Variants in UBE3D observed in about 807,000 individuals in gnomAD.
The protein encoded by UBE3D is ubiquitin protein ligase E3D.
UBE3D carries 48 observed loss-of-function variants against 49.6 expected under a neutral mutation model. That is an observed-to-expected ratio of 0.97 (90% CI 0.77 to 1.23). UBE3D has a LOEUF of 1.23. UBE3D is among the 50% of genes most tolerant of loss of function. UBE3D has a pLI of 0.00. For missense variants in UBE3D, 452 were observed against 468.4 expected (o/e 0.96, Z 0.32); for synonymous variants, 189 against 174.2 (o/e 1.08, Z -0.67).
rs142649394 is a variant in UBE3D, at chr6:82,940,083, T to C, written c.1149+17229A>G. On this transcript the variant is annotated intron_variant, in intron 9 of 9. Coordinates refer to ENST00000369747, the MANE Select transcript of UBE3D (RefSeq NM_198920.3). ...GGTAGGGAATCGGCCTTTTGAAAGA[T>C]GTGATGTGGCAGCAACGTGGATCTG... 1.8e-3 allele frequency among the ~76,000 whole-genome samples: 267 copies of C among 152,248 alleles called. 2 individuals are homozygous for C. Among genetic ancestry groups the C allele is most frequent in the African/African-American group, 5.4e-3 (224 of 41,552 alleles).
At chr6:82,986,561 G>C (rs1582555587) in intron 8 of UBE3D, among the ~76,000 whole-genome samples, 1 of 139,326 alleles carries the variant, frequency 7.2e-6, no homozygotes, top group Non-Finnish European at 1.5e-5. Context: ...TACACCTCTA[G>C]TTAAGTTTCA....
chr6:82,999,828 C>T (rs1331825924), intron 8 of UBE3D, among the ~76,000 whole-genome samples: 1 of 152,150 alleles, frequency 6.6e-6, no homozygotes, highest in Non-Finnish European at 1.5e-5. Flanking sequence ...TGTCATATCA[C>T]CTCTCATTCA....
chr6:83,007,587 C>T (rs117815283), intron 8 of UBE3D, among the ~76,000 whole-genome samples: 4 of 152,226 alleles, frequency 2.6e-5, no homozygotes, highest in Non-Finnish European at 2.9e-5. Context: ...ATGACATAAA[C>T]ATTTATATTT....
At chr6:82,964,721 T>C (rs1004220547) in intron 8 of UBE3D, among the ~76,000 whole-genome samples, 1 of 152,282 alleles carries the variant, frequency 6.6e-6, no homozygotes, top group African/African-American at 2.4e-5. Flanking sequence ...ATTTAATACA[T>C]AACCAAAATT....
chr6:82,951,262 C>T (rs1775776780), intron 9 of UBE3D, among the ~76,000 whole-genome samples: 1 of 151,928 alleles, frequency 6.6e-6, no homozygotes, highest in African/African-American at 2.4e-5. Context: ...TAAGAATAAA[C>T]AAAATAGGAA....
rs918435909 is a variant in UBE3D at position 83,009,312 on chromosome 6, TA to T, written c.1010+9660del. On this transcript the variant is annotated intron_variant, in intron 8 of 9. Transcript: ENST00000369747. ...CAGTTACCAATAGGTAAATAATGAT[TA>T]CCAAATATTACAAAGATAAGCAGAA... Among the ~76,000 whole-genome samples the T allele has an allele frequency of 9.2e-5, 14 of 152,014 alleles. 1 individual carries two copies. Among genetic ancestry groups the T allele is most frequent in the Admixed American group, 8.5e-4 (13 of 15,258 alleles).
At chr6:83,008,107 C>T (rs1780103111) in intron 8 of UBE3D, among the ~76,000 whole-genome samples, 1 of 152,106 alleles carries the variant, frequency 6.6e-6, no homozygotes, top group Admixed American at 6.6e-5. Context: ...ATTAGGGTTT[C>T]TCAAATTTAG....
At chr6:83,038,764 T>G (rs1782446336) in intron 4 of UBE3D, among the ~76,000 whole-genome samples, 1 of 152,184 alleles carries the variant, frequency 6.6e-6, no homozygotes, top group African/African-American at 2.4e-5. Flanking sequence ...TACCTTATAT[T>G]TCTAAAAAGC....
At chr6:82,978,716 C>T (rs534865755) in intron 8 of UBE3D, among the ~76,000 whole-genome samples, 1 of 152,306 alleles carries the variant, frequency 6.6e-6, no homozygotes, top group South Asian at 2.1e-4. Flanking sequence ...ATGAAAGACA[C>T]TGTTCAAACA....
intron 6 of UBE3D, among the ~76,000 whole-genome samples, chr6:83,023,519 A>G (rs1316774940): frequency 1.3e-5 from 2 of 152,214 alleles, no homozygotes; most frequent in Non-Finnish European, 2.9e-5. Context: ...TACATTTGGA[A>G]TTACAAATAT....
At chr6:82,995,417 ATAATT>A (rs1257575946) in intron 8 of UBE3D, among the ~76,000 whole-genome samples, 1 of 151,976 alleles carries the variant, frequency 6.6e-6, no homozygotes, top group African/African-American at 2.4e-5. Context: ...AAGAAATTAT[ATAATT>A]TAAAAGTAAG....
chr6:82,889,950 A>G (rs1221637619), downstream of UBE3D, among the ~76,000 whole-genome samples: 1 of 151,584 alleles, frequency 6.6e-6, no homozygotes. Flanking sequence ...TCACAGAACC[A>G]CTTGTTTACA....
chr6:82,977,799 T>C (rs1777833696), intron 8 of UBE3D, among the ~76,000 whole-genome samples: 1 of 151,912 alleles, frequency 6.6e-6, no homozygotes, highest in African/African-American at 2.4e-5. Context: ...GATTATGCCA[T>C]TGCACTCCAG....
Position 83,065,783 on chromosome 6 carries a change from A to G in UBE3D, c.-65T>C, listed in dbSNP as rs995337952. On this transcript the variant is annotated 5_prime_UTR_variant, in exon 1 of 10. Transcript: ENST00000369747. ...CCGAGGGGCCCGGGTCAACAGGACC[A>G]GGAGAGGTTCCACGTGCGGACCAAC... The G allele has an allele frequency of 3.3e-6, 5 of 1,509,390 alleles. No homozygotes were observed. Among genetic ancestry groups the G allele is most frequent in the East Asian group, 4.9e-5 (2 of 40,852 alleles). The allele number at this position is 1,509,390 out of a possible 1,614,324, so 93.5% of individuals were successfully genotyped here. A position where few individuals can be genotyped will look rare whatever the true frequency, so the allele number is the denominator to read the frequency against.
downstream of UBE3D, among the ~76,000 whole-genome samples, chr6:82,891,070 T>C (rs571351280): frequency 7.2e-5 from 11 of 152,242 alleles, no homozygotes; most frequent in Admixed American, 2.0e-4. Context: ...AAAAATAGCA[T>C]ACTAAGCTTA....
At chr6:82,926,499 T>G (rs542124404) in intron 9 of UBE3D, among the ~76,000 whole-genome samples, 1 of 152,202 alleles carries the variant, frequency 6.6e-6, no homozygotes, top group East Asian at 1.9e-4. Flanking sequence ...TATGTTAAGT[T>G]TTCTAAGAAA....
intron 7 of UBE3D, among the ~76,000 whole-genome samples, chr6:83,020,687 A>G (rs1204916699): frequency 6.6e-6 from 1 of 152,250 alleles, no homozygotes; most frequent in East Asian, 1.9e-4. Context: ...AAAATCAGTC[A>G]GAAAATATTT....
intron 3 of UBE3D, among the ~76,000 whole-genome samples, chr6:83,053,009 C>A (rs150019045): frequency 7.8e-4 from 119 of 152,316 alleles, no homozygotes; most frequent in Non-Finnish European, 1.4e-3. Flanking sequence ...AAGAACTTGG[C>A]AACTGATATG....
At chr6:83,012,090 T>C (rs1780375981) in intron 8 of UBE3D, among the ~76,000 whole-genome samples, 1 of 152,190 alleles carries the variant, frequency 6.6e-6, no homozygotes, top group African/African-American at 2.4e-5. Context: ...TTCATGAGCA[T>C]GAGCCCACTG....
Sources: allele counts gnomAD v4.1 joint callset (sites outside exome capture counted in the v4.1 genomes callset), GRCh38; gene constraint gnomAD v4.1.1; transcripts MANE v1.5; gene names NCBI Gene and HGNC (gene_info 2026-07-23, HGNC 2026-07-21).